Variants in NOL4 observed in about 807,000 individuals in gnomAD.
NOL4 encodes cancer/testis antigen 125.
Under a neutral mutation model 75.9 loss-of-function variants are expected in NOL4, and 17 were observed. That is an observed-to-expected ratio of 0.22 (90% CI 0.15 to 0.34). The LOEUF (loss-of-function observed/expected upper bound fraction) is 0.34, where lower values mean the gene tolerates loss of function less well. NOL4 is among the 10% of genes least tolerant of loss of function. The pLI is 1.00. For synonymous variants in NOL4, 292 were observed against 289.9 expected, an observed-to-expected ratio of 1.01 and a Z score of -0.07; for missense variants, 614 against 793.5, an observed-to-expected ratio of 0.77 and a Z score of 2.72.
intron 1 of NOL4, among the ~76,000 whole-genome samples, chr18:34,198,751 A>G (rs2035519752): frequency 6.6e-6 from 1 of 151,840 alleles, no homozygotes; most frequent in African/African-American, 2.4e-5. Flanking sequence ...ACCAAACAAG[A>G]ATTGAATGAA....
chr18:33,923,954 A>G (rs1173296856), intron 9 of NOL4, among the ~76,000 whole-genome samples: 1 of 152,220 alleles, frequency 6.6e-6, no homozygotes, highest in Non-Finnish European at 1.5e-5. Flanking sequence ...TAAGGGGCAC[A>G]TCATTATTGT....
At chr18:34,146,612 T>G (rs1212488663) in intron 1 of NOL4, among the ~76,000 whole-genome samples, 1 of 152,228 alleles carries the variant, frequency 6.6e-6, no homozygotes, top group Non-Finnish European at 1.5e-5. Flanking sequence ...AGTACCACGC[T>G]GCTTTGGTTA....
intron 9 of NOL4, among the ~76,000 whole-genome samples, chr18:33,897,849 C>A (rs1427274591): frequency 6.6e-6 from 1 of 151,844 alleles, no homozygotes; most frequent in Non-Finnish European, 1.5e-5. Context: ...TTTAGGACAA[C>A]TCTAACCATT....
intron 1 of NOL4, among the ~76,000 whole-genome samples, chr18:34,219,484 G>A (rs757605992): frequency 5.3e-5 from 8 of 152,178 alleles, no homozygotes; most frequent in Non-Finnish European, 8.8e-5. Flanking sequence ...AGTTTAAACT[G>A]CAAGTGTGAT....
At chr18:34,027,629 AC>A (rs2075410625) in intron 5 of NOL4, among the ~76,000 whole-genome samples, 1 of 152,216 alleles carries the variant, frequency 6.6e-6, no homozygotes, top group East Asian at 1.9e-4. Context: ...ATAGCCCAAA[AC>A]TTTTATATTG....
chr18:34,128,795 T>C, intron 2 of NOL4: 1 of 708,518 alleles, frequency 1.4e-6, no homozygotes, highest in Non-Finnish European at 1.7e-6. Flanking sequence ...AAAAAATAGT[T>C]ATGAAAAAGA....
intron 5 of NOL4, among the ~76,000 whole-genome samples, chr18:34,034,321 C>A (rs2075782820): frequency 6.6e-6 from 1 of 152,142 alleles, no homozygotes; most frequent in Non-Finnish European, 1.5e-5. Context: ...TAAAAGATAT[C>A]GACTTGCTGA....
chr18:34,029,847 T>G (rs2144636682), intron 5 of NOL4, among the ~76,000 whole-genome samples: 1 of 152,290 alleles, frequency 6.6e-6, no homozygotes, highest in African/African-American at 2.4e-5. Flanking sequence ...TCAAATAATT[T>G]TTCTTTAAAG....
Position 33,941,459 on chromosome 18 carries a change from C to G in NOL4, c.1542+1606G>C, listed in dbSNP as rs74703886. Among the ~76,000 whole-genome samples, 467 of 152,044 alleles carry G rather than the reference C, an allele frequency of 3.1e-3. 2 individuals are homozygous for G. The highest frequency in any genetic ancestry group is 0.011 in the African/African-American group (449 of 41,506). ...TCAATTTCTAGAACTAGCATCTGTTCTCAAATGGACTTTGCCTTTGAAACT... is the reference window on the plus strand; with the variant it reads ...TCAATTTCTAGAACTAGCATCTGTTGTCAAATGGACTTTGCCTTTGAAACT... On this transcript the variant is annotated intron_variant, in intron 9 of 10. Transcript: ENST00000261592.
intron 9 of NOL4, among the ~76,000 whole-genome samples, chr18:33,942,694 G>C (rs1051849163): frequency 6.6e-6 from 1 of 151,626 alleles, no homozygotes; most frequent in South Asian, 2.1e-4. Flanking sequence ...AGGAGAGGTT[G>C]GTTCATTTCA....
chr18:34,199,765 T>A (rs1012228170), intron 1 of NOL4, among the ~76,000 whole-genome samples: 1 of 151,846 alleles, frequency 6.6e-6, no homozygotes, highest in Non-Finnish European at 1.5e-5. Flanking sequence ...AACAGTGATA[T>A]CAGTGAATTC....
At chr18:34,138,911 CT>C (rs1189688668) in intron 1 of NOL4, among the ~76,000 whole-genome samples, 2 of 152,060 alleles carry the variant, frequency 1.3e-5, no homozygotes, top group Non-Finnish European at 2.9e-5. Flanking sequence ...TATCAAAGGC[CT>C]TTTCTGCATC....
At chr18:34,185,286 T>C (rs1483207582) in intron 1 of NOL4, among the ~76,000 whole-genome samples, 1 of 152,102 alleles carries the variant, frequency 6.6e-6, no homozygotes, top group Non-Finnish European at 1.5e-5. Context: ...TAATCAGAAA[T>C]AAAAGACCAT....
At chr18:34,218,232 T>C (rs1382398908) in intron 1 of NOL4, among the ~76,000 whole-genome samples, 1 of 152,170 alleles carries the variant, frequency 6.6e-6, no homozygotes, top group Non-Finnish European at 1.5e-5. Flanking sequence ...TATTTTCTAC[T>C]TCATCATTCC....
At chr18:33,924,406 A>ATT (rs1482743817) in intron 9 of NOL4, among the ~76,000 whole-genome samples, 2 of 152,166 alleles carry the variant, frequency 1.3e-5, no homozygotes, top group Non-Finnish European at 2.9e-5. Context: ...GTTGGACAAT[A>ATT]TTTTAAACTA....
intron 10 of NOL4, among the ~76,000 whole-genome samples, chr18:33,861,926 G>A (rs1237657974): frequency 1.3e-5 from 2 of 152,052 alleles, no homozygotes; most frequent in African/African-American, 4.8e-5. Flanking sequence ...CTACTTTCAA[G>A]TTCATATGGA....
chr18:34,144,543 T>C (rs2081321904), intron 1 of NOL4, among the ~76,000 whole-genome samples: 1 of 152,060 alleles, frequency 6.6e-6, no homozygotes, highest in Non-Finnish European at 1.5e-5. Context: ...AATTTGTAAA[T>C]CGAGTTAGTG....
At chr18:34,131,174 G>A (rs1016609593) in intron 1 of NOL4, among the ~76,000 whole-genome samples, 1 of 151,748 alleles carries the variant, frequency 6.6e-6, no homozygotes, top group African/African-American at 2.4e-5. Context: ...TACAGCACAA[G>A]AGAGTGATTA....
At chr18:33,990,786 G>A (rs1442079805) in intron 6 of NOL4, among the ~76,000 whole-genome samples, 1 of 151,774 alleles carries the variant, frequency 6.6e-6, no homozygotes, top group Non-Finnish European at 1.5e-5. Flanking sequence ...TCCCTGTCCT[G>A]AGTGAATTCC....
Sources: allele counts gnomAD v4.1 joint callset (sites outside exome capture counted in the v4.1 genomes callset), GRCh38; gene constraint gnomAD v4.1.1; transcripts MANE v1.5; gene names NCBI Gene and HGNC (gene_info 2026-07-23, HGNC 2026-07-21).